Variants in CFAP299 observed in about 807,000 individuals in gnomAD.
CFAP299 encodes the protein cilia and flagella associated protein 299.
CFAP299 carries 21 observed loss-of-function variants against 27.0 expected under a neutral mutation model. The ratio of observed to expected loss-of-function variants is 0.78; its 90% CI spans 0.55 to 1.12. The LOEUF (loss-of-function observed/expected upper bound fraction) is 1.12. CFAP299 is among the 50% of genes most tolerant of loss of function. CFAP299 has a pLI of 0.00. For missense variants in CFAP299, 310 were observed against 276.6 expected (o/e 1.12, Z -0.86); for synonymous variants, 104 against 98.1 (o/e 1.06, Z -0.36).
intron 2 of CFAP299, among the ~76,000 whole-genome samples, chr4:80,460,757 A>C (rs1216492912): frequency 6.6e-6 from 1 of 152,208 alleles, no homozygotes; most frequent in Non-Finnish European, 1.5e-5. Flanking sequence ...GAATATAAGG[A>C]GAAATTCACA....
intron 2 of CFAP299, among the ~76,000 whole-genome samples, chr4:80,572,202 C>T (rs1735615075): frequency 6.6e-6 from 1 of 151,974 alleles, no homozygotes; most frequent in Admixed American, 6.6e-5. Context: ...ACTATTTTGG[C>T]TCTTTTAAAT....
rs539482202 is a variant in CFAP299, at chr4:80,591,855, G to A, written c.333+8672G>A. Among the ~76,000 whole-genome samples, 133 of 152,296 alleles carry A rather than the reference G, an allele frequency of 8.7e-4. 1 individual carries two copies. The highest frequency in any genetic ancestry group is 3.1e-3 in the African/African-American group (127 of 41,562). On this transcript the variant is annotated intron_variant, in intron 3 of 5. Transcript: ENST00000358105. The stretch of plus-strand genomic sequence containing the variant: ...CTTAGAGTTCAATTTGTGGTTTACA[G>A]CAAAGAGAACATTAACTACAACCTT...
intron 2 of CFAP299, among the ~76,000 whole-genome samples, chr4:80,444,672 G>C (rs570632230): frequency 1.9e-4 from 29 of 152,222 alleles, no homozygotes; most frequent in Non-Finnish European, 3.7e-4. Flanking sequence ...AGCCAAAATT[G>C]ACAAATGGGA....
chr4:80,638,770 C>T (rs1284348511), intron 3 of CFAP299, among the ~76,000 whole-genome samples: 2 of 152,190 alleles, frequency 1.3e-5, no homozygotes, highest in Non-Finnish European at 2.9e-5. Flanking sequence ...CCTGCAGTCA[C>T]TCTTAGGTTC....
At chr4:80,875,278 C>T (rs1733311519) in intron 4 of CFAP299, among the ~76,000 whole-genome samples, 1 of 152,136 alleles carries the variant, frequency 6.6e-6, no homozygotes, top group Non-Finnish European at 1.5e-5. Context: ...ATTTGGCCTG[C>T]ACAATTGTAT....
At chr4:80,342,463 T>C (rs538445019) in intron 1 of CFAP299, among the ~76,000 whole-genome samples, 1 of 152,300 alleles carries the variant, frequency 6.6e-6, no homozygotes, top group Admixed American at 6.5e-5. Context: ...AGACTGACAG[T>C]GGACCTCTCA....
chr4:80,902,751 C>T (rs1383640902), intron 4 of CFAP299, among the ~76,000 whole-genome samples: 2 of 151,486 alleles, frequency 1.3e-5, no homozygotes, highest in East Asian at 1.9e-4. Flanking sequence ...ATGCAGACTT[C>T]TTCAGGCAAC....
intron 4 of CFAP299, among the ~76,000 whole-genome samples, chr4:80,904,943 T>G (rs1272569615): frequency 6.6e-6 from 1 of 152,134 alleles, no homozygotes; most frequent in East Asian, 1.9e-4. Flanking sequence ...AAATTATAAT[T>G]TAGAATATGA....
chr4:80,713,073 C>CCT (rs1247313489), intron 3 of CFAP299, among the ~76,000 whole-genome samples: 1 of 152,054 alleles, frequency 6.6e-6, no homozygotes, highest in Admixed American at 6.6e-5. Context: ...ACTAACCATT[C>CCT]AAGGGTATGT....
intron 1 of CFAP299, among the ~76,000 whole-genome samples, chr4:80,350,038 A>T (rs1200246920): frequency 6.6e-6 from 1 of 152,170 alleles, no homozygotes; most frequent in African/African-American, 2.4e-5. Context: ...ATTGAGTGAA[A>T]ACAACTCTGT....
At chr4:80,474,108 G>A (rs1730153924) in intron 2 of CFAP299, among the ~76,000 whole-genome samples, 2 of 152,138 alleles carry the variant, frequency 1.3e-5, no homozygotes, top group Non-Finnish European at 2.9e-5. Context: ...AGAGGAATAT[G>A]TTGAGTAATG....
At chr4:80,950,257 C>CA (rs1011343945) in intron 5 of CFAP299, among the ~76,000 whole-genome samples, 3 of 151,480 alleles carry the variant, frequency 2.0e-5, no homozygotes, top group African/African-American at 7.3e-5. Context: ...CCCTCCACCC[C>CA]CCCCCTTTCT....
intron 3 of CFAP299, among the ~76,000 whole-genome samples, chr4:80,693,607 T>C (rs1328297819): frequency 1.3e-5 from 2 of 150,216 alleles, no homozygotes; most frequent in African/African-American, 4.9e-5. Flanking sequence ...GATTACGAAT[T>C]AGTGGGTGCA....
At chr4:80,857,245 C>G (rs1731969305) in intron 3 of CFAP299, among the ~76,000 whole-genome samples, 1 of 152,254 alleles carries the variant, frequency 6.6e-6, no homozygotes, top group South Asian at 2.1e-4. Flanking sequence ...GATTTTTGTA[C>G]ATTGATTTTG....
chr4:80,397,049 A>G (rs1342518665), intron 2 of CFAP299, among the ~76,000 whole-genome samples: 2 of 152,082 alleles, frequency 1.3e-5, no homozygotes. Context: ...TTATTGCCTC[A>G]ATTTCAGAGC....
At chr4:80,470,812 G>C (rs1007195486) in intron 2 of CFAP299, among the ~76,000 whole-genome samples, 3 of 152,272 alleles carry the variant, frequency 2.0e-5, no homozygotes, top group Admixed American at 6.5e-5. Flanking sequence ...AAATAGGATA[G>C]GGTAGGGGTG....
intron 3 of CFAP299, among the ~76,000 whole-genome samples, chr4:80,866,684 T>G (rs144188066): frequency 6.6e-6 from 1 of 152,144 alleles, no homozygotes; most frequent in Non-Finnish European, 1.5e-5. Flanking sequence ...CCCGCACTTA[T>G]AGTCCGCTTG....
chr4:80,712,846 T>A (rs2110038173), intron 3 of CFAP299, among the ~76,000 whole-genome samples: 1 of 152,320 alleles, frequency 6.6e-6, no homozygotes, highest in Non-Finnish European at 1.5e-5. Context: ...TTTTTCATAA[T>A]CTGACCAATA....
intron 3 of CFAP299, among the ~76,000 whole-genome samples, chr4:80,677,393 T>C (rs533132733): frequency 6.6e-6 from 1 of 152,238 alleles, no homozygotes; most frequent in African/African-American, 2.4e-5. Context: ...AAGTTTTTCA[T>C]ATTTACTAAG....
Sources: allele counts gnomAD v4.1 joint callset (sites outside exome capture counted in the v4.1 genomes callset), GRCh38; gene constraint gnomAD v4.1.1; transcripts MANE v1.5; gene names NCBI Gene and HGNC (gene_info 2026-07-23, HGNC 2026-07-21).